The following PANK2 variants were observed in gnomAD, a reference collection of about 807,000 sequenced individuals.
The protein encoded by PANK2 is pantothenate kinase 2.
A neutral mutation model predicts 43.1 loss-of-function variants in PANK2; 36 were observed. That is an observed-to-expected ratio of 0.84 (90% CI 0.64 to 1.10). The LOEUF is 1.10. Among genes scored for constraint, PANK2 ranks in the 50% least tolerant of loss-of-function variants. The probability of loss-of-function intolerance (pLI) is 0.00; values close to 1 mark genes in which losing one functional copy is unlikely to be tolerated. For missense variants in PANK2, 576 were observed against 593.3 expected, an observed-to-expected ratio of 0.97 and a Z score of 0.30; for synonymous variants, 281 against 238.2, an observed-to-expected ratio of 1.18 and a Z score of -1.66.
chr20:3,908,212 G>A lies in PANK2; in HGVS notation c.585G>A (p.Ser195=), dbSNP rs751910368. Reference sequence around the variant, plus strand: ...AAATGGGCAGAGATAAAAACTTCTCGAGTCTCCACACTGTCTTTTGTGCCA... The same window carrying A: ...AAATGGGCAGAGATAAAAACTTCTCAAGTCTCCACACTGTCTTTTGTGCCA... Residue 195 remains serine (S), a synonymous_variant, in exon 2 of 7, where the codon TCG becomes TCA. Coordinates refer to ENST00000610179, the MANE Select transcript of PANK2 (RefSeq NM_001386393.1). The A allele has an allele frequency of 1.7e-5, 27 of 1,613,440 alleles. No individual in the cohort carries two copies. Among genetic ancestry groups the A allele is most frequent in the Middle Eastern group, 1.6e-4 (1 of 6,084 alleles).
At chr20:3,899,771 G>A (rs2090270830) in intron 1 of PANK2, among the ~76,000 whole-genome samples, 1 of 139,666 alleles carries the variant, frequency 7.2e-6, no homozygotes, top group African/African-American at 2.7e-5. Context: ...GCAGTGCTGC[G>A]ATCTTGGCTC....
chr20:3,889,311 C>T (rs1258459386), upstream of PANK2: 26 of 1,596,968 alleles, frequency 1.6e-5, no homozygotes, highest in Non-Finnish European at 2.2e-5. Context: ...GGCCTTTGGG[C>T]CGTCCCCAGC....
chr20:3,892,314 A>G (rs950054752), intron 1 of PANK2, among the ~76,000 whole-genome samples: 3 of 149,566 alleles, frequency 2.0e-5, no homozygotes, highest in Admixed American at 6.8e-5. Context: ...AGTGCACTGC[A>G]GCCTGTATGA....
At position 3,889,420 on chromosome 20, in the gene PANK2, G is replaced by C; in HGVS notation, c.-11G>C. ...TGGACTGCCGCGGAGGAGGCGAGAA[G>C]GAATCCGACGCTGGGGGGCTTGCTC... On this transcript the variant is annotated 5_prime_UTR_variant, in exon 1 of 7. Coordinates refer to ENST00000610179, the MANE Select transcript of PANK2 (RefSeq NM_001386393.1). 1.9e-6 allele frequency: 3 copies of C among 1,569,316 alleles called. No individual in the cohort carries two copies. The highest frequency in any genetic ancestry group is 2.6e-6 in the Non-Finnish European group (3 of 1,161,464).
intron 1 of PANK2, among the ~76,000 whole-genome samples, chr20:3,907,285 G>C (rs2146857793): frequency 6.6e-6 from 1 of 151,954 alleles, no homozygotes; most frequent in Non-Finnish European, 1.5e-5. Context: ...TTTTAGTAGA[G>C]ATGGGGTTTT....
At chr20:3,889,004 A>G, upstream of PANK2, 1 of 998,152 alleles carries the variant, frequency 1.0e-6, no homozygotes, top group Non-Finnish European at 1.4e-6. Flanking sequence ...CGAGGACGGC[A>G]CGGAGCAGCG....
At position 3,908,395 on chromosome 20, in the gene PANK2, A is replaced by G. The variant is rs949354194; in HGVS notation, c.651+117A>G. On this transcript the variant is annotated intron_variant, in intron 2 of 6. Transcript: ENST00000610179. Reference sequence around the variant, plus strand: ...TGGAACTTGAATTTTCTTGAGTCAAATGAAGATTAAAGGTACGCTAGTGAT... The same window carrying G: ...TGGAACTTGAATTTTCTTGAGTCAAGTGAAGATTAAAGGTACGCTAGTGAT... 6 of 1,052,114 alleles carry G rather than the reference A, an allele frequency of 5.7e-6. No individual in the cohort carries two copies. In the African/African-American group the frequency reaches 9.5e-5, roughly 17 times the overall value. 65.2% of individuals were successfully genotyped at this position (1,052,114 alleles called of 1,614,324 possible).
At chr20:3,902,223 G>A (rs1459045402) in intron 1 of PANK2, among the ~76,000 whole-genome samples, 1 of 150,868 alleles carries the variant, frequency 6.6e-6, no homozygotes, top group East Asian at 1.9e-4. Context: ...CTGGAGTGCG[G>A]TGGCATGGTC....
chr20:3,917,190 TC>T (rs773141328), intron 5 of PANK2, 140 bp downstream of exon 5: 8 of 1,003,226 alleles, frequency 8.0e-6, no homozygotes, highest in Non-Finnish European at 1.2e-5. Flanking sequence ...TTAAAACTCT[TC>T]AAATACAGAT....
chr20:3,906,662 A>G (rs1407179799), intron 1 of PANK2, among the ~76,000 whole-genome samples: 3 of 152,142 alleles, frequency 2.0e-5, no homozygotes, highest in African/African-American at 7.2e-5. Flanking sequence ...TAAAAATAAA[A>G]AAAACAATAA....
rs2090180443 is a variant in PANK2, at chr20:3,894,901, C to T, written c.298+5173C>T. On this transcript the variant is annotated intron_variant, in intron 1 of 6. Coordinates refer to ENST00000610179, the MANE Select transcript of PANK2 (RefSeq NM_001386393.1). ...TTAGGGGCCATGTGTAAGAATCATG[C>T]AGTTGGATAATATGGTTGTTTAGTG... Among the ~76,000 whole-genome samples the T allele has an allele frequency of 2.0e-5, 3 of 152,134 alleles. No homozygotes were observed. The South Asian group carries it at 6.2e-4, about 32-fold the overall frequency.
chr20:3,916,889 G>A, intron 4 of PANK2, 38 bp from the exon 5 acceptor site: 2 of 1,611,924 alleles, frequency 1.2e-6, no homozygotes, highest in South Asian at 1.1e-5. Context: ...CTTTGTTGCT[G>A]TTGGTTTAGC....
At chr20:3,919,786 G>A (rs1387822275) in intron 6 of PANK2, among the ~76,000 whole-genome samples, 1 of 152,130 alleles carries the variant, frequency 6.6e-6, no homozygotes. Context: ...TTTCAGAATT[G>A]TATTGCATAT....
chr20:3,904,890 C>G (rs370405406), intron 1 of PANK2, among the ~76,000 whole-genome samples: 26 of 152,122 alleles, frequency 1.7e-4, no homozygotes, highest in African/African-American at 6.3e-4. Context: ...TTGAGAATTC[C>G]TGTTCTTCTG....
intron 4 of PANK2, among the ~76,000 whole-genome samples, chr20:3,916,304 G>A (rs982890868): frequency 3.9e-5 from 6 of 152,214 alleles, no homozygotes; most frequent in African/African-American, 1.4e-4. Context: ...AAAATCATAT[G>A]TATACATGCT....
upstream of PANK2, chr20:3,888,977 G>GTCGCCGTATCATTAA: frequency 4.0e-6 from 3 of 745,548 alleles, no homozygotes; most frequent in Admixed American, 6.1e-5. Context: ...TGCTGGGCTG[G>GTCGCCGTATCATTAA]AGGAGGGCTC....
chr20:3,919,573 C>T (rs1363347146), intron 6 of PANK2, among the ~76,000 whole-genome samples: 1 of 152,108 alleles, frequency 6.6e-6, no homozygotes, highest in Non-Finnish European at 1.5e-5. Context: ...TGTAGACAGG[C>T]TGGAAATGAT....
chr20:3,893,676 C>G (rs1037889502), intron 1 of PANK2, among the ~76,000 whole-genome samples: 1 of 152,090 alleles, frequency 6.6e-6, no homozygotes, highest in Non-Finnish European at 1.5e-5. Flanking sequence ...CTTCATAATA[C>G]AGTTTTTGTT....
intron 1 of PANK2, among the ~76,000 whole-genome samples, chr20:3,902,980 C>T (rs890073679): frequency 4.7e-5 from 4 of 85,072 alleles, no homozygotes; most frequent in Non-Finnish European, 8.5e-5. Context: ...TAGACACACA[C>T]ACACACACAC....
Sources: gnomAD v4.1 joint callset for allele counts (sites outside exome capture counted in the v4.1 genomes callset) on GRCh38, gnomAD v4.1.1 for gene constraint, MANE v1.5 for transcripts, NCBI Gene and HGNC (gene_info 2026-07-23, HGNC 2026-07-21) for gene names.